Variants in PDSS2 observed in about 807,000 individuals in gnomAD.
The protein encoded by PDSS2 is decaprenyl diphosphate synthase subunit 2.
PDSS2 carries 31 observed loss-of-function variants against 44.5 expected under a neutral mutation model. The ratio of observed to expected loss-of-function variants is 0.70; its 90% CI spans 0.52 to 0.94. The LOEUF (loss-of-function observed/expected upper bound fraction) is 0.94. Among genes scored for constraint, PDSS2 ranks in the 40% least tolerant of loss-of-function variants. PDSS2 has a pLI of 0.00. For missense variants in PDSS2, 452 were observed against 482.2 expected (o/e 0.94, Z 0.59); for synonymous variants, 157 against 180.3 (o/e 0.87, Z 1.03).
intron 2 of PDSS2, among the ~76,000 whole-genome samples, chr6:107,308,784 T>TTGC (rs570679746): frequency 3.4e-3 from 523 of 152,296 alleles, no homozygotes; most frequent in Middle Eastern, 6.8e-3. Flanking sequence ...TCCAGTCAGC[T>TTGC]TGCTGCTGCT....
chr6:107,328,676 G>A (rs1255205085), intron 2 of PDSS2, among the ~76,000 whole-genome samples: 1 of 152,160 alleles, frequency 6.6e-6, no homozygotes, highest in Non-Finnish European at 1.5e-5. Flanking sequence ...TTTCCACAAG[G>A]TGTACTACTA....
At chr6:107,245,723 G>T in intron 3 of PDSS2, 104 bp from the exon 4 acceptor site, 2 of 692,954 alleles carry the variant, frequency 2.9e-6, no homozygotes, top group Admixed American at 2.9e-5. Context: ...ATTTTTCTGT[G>T]CTTGACAGAA....
chr6:107,454,873 C>G (rs996456896), intron 1 of PDSS2, among the ~76,000 whole-genome samples: 1 of 152,152 alleles, frequency 6.6e-6, no homozygotes, highest in South Asian at 2.1e-4. Flanking sequence ...ACCTGCTTAA[C>G]CTCTGGATCA....
chr6:107,296,748 A>G (rs1776522064), intron 2 of PDSS2, among the ~76,000 whole-genome samples: 1 of 152,082 alleles, frequency 6.6e-6, no homozygotes, highest in Non-Finnish European at 1.5e-5. Context: ...ATAAAATAAA[A>G]CAAAATAAAA....
chr6:107,332,615 A>T (rs1359195300), intron 2 of PDSS2, among the ~76,000 whole-genome samples: 1 of 146,896 alleles, frequency 6.8e-6, no homozygotes, highest in African/African-American at 2.4e-5. Flanking sequence ...AATGTAATCA[A>T]GAAAAAAAAA....
At chr6:107,188,855 C>T (rs1772269365) in intron 7 of PDSS2, among the ~76,000 whole-genome samples, 2 of 152,202 alleles carry the variant, frequency 1.3e-5, no homozygotes, top group South Asian at 4.1e-4. Context: ...TAGATGTCAG[C>T]ACTATGCTTC....
chr6:107,452,197 C>T (rs78608780), intron 1 of PDSS2, among the ~76,000 whole-genome samples: 4,909 of 150,678 alleles, frequency 0.033, 269 homozygotes, highest in African/African-American at 0.11. Context: ...CAAGCTTTTT[C>T]CCCTATTTTC....
intron 1 of PDSS2, among the ~76,000 whole-genome samples, chr6:107,454,270 A>G (rs1166660476): frequency 6.6e-6 from 1 of 150,658 alleles, no homozygotes; most frequent in African/African-American, 2.4e-5. Flanking sequence ...TTGGTCTCAA[A>G]CTCCTGAGCT....
chr6:107,324,917 T>C (rs1777491199), intron 2 of PDSS2, among the ~76,000 whole-genome samples: 1 of 152,146 alleles, frequency 6.6e-6, no homozygotes, highest in Non-Finnish European at 1.5e-5. Flanking sequence ...TGAGGATGGA[T>C]AGATAGTCAC....
intron 1 of PDSS2, among the ~76,000 whole-genome samples, chr6:107,430,454 T>C (rs200523001): frequency 6.6e-6 from 1 of 151,966 alleles, no homozygotes; most frequent in Non-Finnish European, 1.5e-5. Context: ...GGGCCAAGAT[T>C]GTGCCACTGC....
chr6:107,421,007 AACAG>A (rs1395628870), intron 1 of PDSS2, among the ~76,000 whole-genome samples: 1 of 152,198 alleles, frequency 6.6e-6, no homozygotes, highest in Non-Finnish European at 1.5e-5. Flanking sequence ...TAAGGAAACA[AACAG>A]TCTATTTGAA....
At chr6:107,340,651 G>C (rs1408766472) in intron 1 of PDSS2, among the ~76,000 whole-genome samples, 1 of 152,224 alleles carries the variant, frequency 6.6e-6, no homozygotes, top group African/African-American at 2.4e-5. Flanking sequence ...GCAGCTATCA[G>C]TGCACAACTA....
chr6:107,264,072 A>G (rs1380692788), intron 3 of PDSS2: 1 of 186,624 alleles, frequency 5.4e-6, no homozygotes, highest in African/African-American at 2.4e-5. Context: ...ACACTATCAT[A>G]ATAATGCCTA....
At chr6:107,409,892 C>T (rs1045684935) in intron 1 of PDSS2, among the ~76,000 whole-genome samples, 5 of 151,932 alleles carry the variant, frequency 3.3e-5, no homozygotes, top group African/African-American at 7.3e-5. Flanking sequence ...TACCAATGTA[C>T]GTGAAAGGAA....
intron 1 of PDSS2, among the ~76,000 whole-genome samples, chr6:107,378,952 T>C (rs552451020): frequency 6.6e-6 from 1 of 152,338 alleles, no homozygotes; most frequent in African/African-American, 2.4e-5. Flanking sequence ...GCTCTGCTGA[T>C]GTTGGCTGAG....
In PDSS2 at chr6:107,459,403, G is replaced by A. The variant is rs1782174427; in HGVS notation, c.-118C>T. ...AGGAAGCGGCAATTCTTGACCCTCA[G>A]AGTAAGGTGGCTTCCTGGAGCAGTG... On this transcript the variant is annotated 5_prime_UTR_variant, in exon 1 of 8. Transcript: ENST00000369037. This position sits in a 1 kb window ranked among gnomAD's most constrained non-coding sequence, Gnocchi z 4.3. 5.1e-6 allele frequency: 4 copies of A among 789,624 alleles called. No homozygotes were observed. In the East Asian group the frequency reaches 7.9e-5, roughly 16 times the overall value. 48.9% of individuals were successfully genotyped at this position (789,624 alleles called of 1,614,324 possible).
At chr6:107,423,637 C>T (rs1013662659) in intron 1 of PDSS2, among the ~76,000 whole-genome samples, 5 of 152,178 alleles carry the variant, frequency 3.3e-5, no homozygotes, top group South Asian at 4.2e-4. Context: ...TCCCGAAGCC[C>T]TTCCAGCATT....
At chr6:107,367,544 G>A (rs1778995455) in intron 1 of PDSS2, among the ~76,000 whole-genome samples, 1 of 152,168 alleles carries the variant, frequency 6.6e-6, no homozygotes, top group Non-Finnish European at 1.5e-5. Context: ...AGCACTTTGG[G>A]AGGCTGAGGC....
At chr6:107,167,622 T>C (rs1771401909) in intron 7 of PDSS2, among the ~76,000 whole-genome samples, 1 of 152,216 alleles carries the variant, frequency 6.6e-6, no homozygotes, top group East Asian at 1.9e-4. Context: ...TTTAGTGCTA[T>C]AAATTTCCTT....
Sources: gnomAD v4.1 joint callset for allele counts (sites outside exome capture counted in the v4.1 genomes callset) on GRCh38, gnomAD v4.1.1 for gene constraint, Gnocchi (gnomAD v3.1) non-coding constraint, MANE v1.5 for transcripts, NCBI Gene and HGNC (gene_info 2026-07-23, HGNC 2026-07-21) for gene names.